The following GLIS3 variants were observed in gnomAD, a reference collection of about 807,000 sequenced individuals.
GLIS3 encodes the protein zinc finger protein GLIS3.
GLIS3 carries 53 observed loss-of-function variants against 78.6 expected under a neutral mutation model. That is an observed-to-expected ratio of 0.67 (90% CI 0.54 to 0.85). The LOEUF is 0.85. Among genes scored for constraint, GLIS3 ranks in the 40% least tolerant of loss-of-function variants. The probability of loss-of-function intolerance (pLI) is 0.00; values close to 1 mark genes in which losing one functional copy is unlikely to be tolerated. For missense variants in GLIS3, 1,703 were observed against 1,231.1 expected (o/e 1.38, Z -5.74); for synonymous variants, 684 against 509.9 (o/e 1.34, Z -4.60).
chr9:3,839,946 G>A (rs1818613101), intron 9 of GLIS3, among the ~76,000 whole-genome samples: 1 of 152,118 alleles, frequency 6.6e-6, no homozygotes, highest in African/African-American at 2.4e-5. Context: ...ATTTCTCATG[G>A]CCAATTTTCT....
intron 4 of GLIS3, among the ~76,000 whole-genome samples, chr9:3,981,665 T>C (rs942208285): frequency 5.9e-5 from 9 of 152,172 alleles, no homozygotes; most frequent in Admixed American, 4.6e-4. Flanking sequence ...TTAAACTGCT[T>C]TGCAGTGAGA....
At chr9:4,385,803 A>G in the GLIS3 span, among the ~76,000 whole-genome samples, 1 of 77,896 alleles carries the variant, frequency 1.3e-5, no homozygotes, top group Non-Finnish European at 2.6e-5. Flanking sequence ...GAAAGAAAGA[A>G]AGAAAGAAAA....
intron 2 of GLIS3, among the ~76,000 whole-genome samples, chr9:4,195,474 C>G (rs1016963664): frequency 3.9e-5 from 6 of 152,232 alleles, no homozygotes; most frequent in Admixed American, 6.5e-5. Context: ...CCGGGTCCCC[C>G]AGCACTGCCG....
At chr9:3,973,449 T>C (rs573644717) in intron 4 of GLIS3, among the ~76,000 whole-genome samples, 10 of 152,288 alleles carry the variant, frequency 6.6e-5, no homozygotes, top group Admixed American at 1.3e-4. Flanking sequence ...TCCAACCTAA[T>C]ATCTGGTGTG....
At chr9:4,004,148 T>A (rs955603288) in intron 4 of GLIS3, among the ~76,000 whole-genome samples, 1 of 152,202 alleles carries the variant, frequency 6.6e-6, no homozygotes, top group African/African-American at 2.4e-5. Context: ...ATATGATATG[T>A]TAAAGGTTAC....
chr9:4,193,537 G>C (rs1818520829), intron 2 of GLIS3, among the ~76,000 whole-genome samples: 1 of 152,214 alleles, frequency 6.6e-6, no homozygotes, highest in Non-Finnish European at 1.5e-5. Context: ...CTGAGAAAAT[G>C]ACACACGGCT....
intron 2 of GLIS3, among the ~76,000 whole-genome samples, chr9:4,157,168 G>C (rs1331811150): frequency 1.3e-5 from 2 of 152,306 alleles, no homozygotes; most frequent in Non-Finnish European, 1.5e-5. Context: ...TTATGAGCTA[G>C]GCTCTGCAGC....
chr9:3,941,587 CT>C (rs1278993354), intron 4 of GLIS3, among the ~76,000 whole-genome samples: 1 of 152,092 alleles, frequency 6.6e-6, no homozygotes, highest in Non-Finnish European at 1.5e-5. Flanking sequence ...TTACATTCCC[CT>C]GTTGAGAAAA....
chr9:4,433,899 A>G, the GLIS3 span, among the ~76,000 whole-genome samples: 3 of 152,184 alleles, frequency 2.0e-5, no homozygotes, highest in Admixed American at 2.0e-4. Flanking sequence ...GTTAGAGACC[A>G]TCCTGGCCAA....
At chr9:4,252,534 T>C (rs1479441323) in intron 2 of GLIS3, among the ~76,000 whole-genome samples, 1 of 152,138 alleles carries the variant, frequency 6.6e-6, no homozygotes, top group Admixed American at 6.5e-5. Context: ...TTAAATTCCT[T>C]GCATTGGGTT....
chr9:3,985,112 C>T (rs560546259), intron 4 of GLIS3, among the ~76,000 whole-genome samples: 3 of 151,054 alleles, frequency 2.0e-5, no homozygotes, highest in Admixed American at 6.6e-5. Context: ...AAAAAAAACC[C>T]ATTTTTCCTC....
At chr9:4,479,917 T>TA in the GLIS3 span, among the ~76,000 whole-genome samples, 1 of 148,666 alleles carries the variant, frequency 6.7e-6, no homozygotes, top group Non-Finnish European at 1.5e-5. Context: ...TTTTTTTTTT[T>TA]TTTTTTTTTG....
chr9:3,987,648 G>A (rs1296249864), intron 4 of GLIS3, among the ~76,000 whole-genome samples: 1 of 149,092 alleles, frequency 6.7e-6, no homozygotes, highest in South Asian at 2.1e-4. Context: ...AGTGAGCCAA[G>A]ATCACGCCAC....
At position 3,967,269 on chromosome 9, in the gene GLIS3, C is replaced by T. The variant is rs145080308; in HGVS notation, c.1711-30080G>A. Reference sequence around the variant, plus strand: ...CTGTAATCCCAGCACTTTGGGAGACCGAGGCGGGCAGATCACCTAAGATCA... The same window carrying T: ...CTGTAATCCCAGCACTTTGGGAGACTGAGGCGGGCAGATCACCTAAGATCA... On this transcript the variant is annotated intron_variant, in intron 4 of 10. Transcript: ENST00000381971. Among the ~76,000 whole-genome samples, 1,019 of 152,130 alleles carry T rather than the reference C, an allele frequency of 6.7e-3. 13 individuals are homozygous for T. The highest frequency in any genetic ancestry group is 0.023 in the African/African-American group (948 of 41,514).
intron 8 of GLIS3, among the ~76,000 whole-genome samples, chr9:3,870,492 G>A (rs968738941): frequency 1.3e-5 from 2 of 152,194 alleles, no homozygotes; most frequent in Admixed American, 1.3e-4. Context: ...AAAGAAAGAG[G>A]TTTAATTGGA....
At chr9:4,274,414 C>G (rs1826801942) in intron 2 of GLIS3, among the ~76,000 whole-genome samples, 1 of 152,038 alleles carries the variant, frequency 6.6e-6, no homozygotes, top group South Asian at 2.1e-4. Context: ...ATTCTCAGGG[C>G]AAGCGCAGAC....
chr9:4,000,425 C>G (rs926202158), intron 4 of GLIS3, among the ~76,000 whole-genome samples: 1 of 152,108 alleles, frequency 6.6e-6, no homozygotes, highest in African/African-American at 2.4e-5. Flanking sequence ...GAGATTCTAA[C>G]AGATCAAGAA....
rs1228969915 is a variant in GLIS3 at position 3,826,502 on chromosome 9, T to G, written c.*1770A>C. ...TGGCTAACTCATCTCTTTTGCAGAC[T>G]TTGACGTCTACGTGAAAGCTTTTCT... is the stretch of plus-strand genomic sequence containing the variant. On this transcript the variant is annotated 3_prime_UTR_variant, in exon 11 of 11. Transcript: ENST00000381971. The G allele has an allele frequency of 2.0e-5, 3 of 152,252 alleles. No individual in the cohort carries two copies. Among genetic ancestry groups the G allele is most frequent in the Non-Finnish European group, 4.4e-5 (3 of 68,038 alleles). The allele number at this position is 152,252 out of a possible 1,614,324, so 9.4% of individuals were successfully genotyped here. A position where few individuals can be genotyped will look rare whatever the true frequency, so the allele number is the denominator to read the frequency against.
At chr9:4,254,575 C>T (rs192644529) in intron 2 of GLIS3, among the ~76,000 whole-genome samples, 1 of 152,176 alleles carries the variant, frequency 6.6e-6, no homozygotes, top group African/African-American at 2.4e-5. Flanking sequence ...CACGGTGGCT[C>T]ACGTCTGTAA....
Sources: allele counts gnomAD v4.1 joint callset (sites outside exome capture counted in the v4.1 genomes callset), GRCh38; gene constraint gnomAD v4.1.1; transcripts MANE v1.5; gene names NCBI Gene and HGNC (gene_info 2026-07-23, HGNC 2026-07-21).